MEGF11: variants seen among roughly 807,000 people sequenced by gnomAD.
The protein encoded by MEGF11 is multiple epidermal growth factor-like domains protein 11.
Under a neutral mutation model 146.6 loss-of-function variants are expected in MEGF11, and 126 were observed. The ratio of observed to expected loss-of-function variants is 0.86; its 90% confidence interval spans 0.74 to 1.00. MEGF11 has a LOEUF of 1.00. Ranked by LOEUF, MEGF11 falls within the 50% of genes least tolerant of loss-of-function variation. MEGF11 has a pLI of 0.00. For synonymous variants in MEGF11, 532 were observed against 583.4 expected, an observed-to-expected ratio of 0.91 and a Z score of 1.27; for missense variants, 1,509 against 1,521.2, an observed-to-expected ratio of 0.99 and a Z score of 0.13.
At position 66,171,443 on chromosome 15, in the gene MEGF11, T is replaced by C. The variant is rs183035678; in HGVS notation, c.-8-43032A>G. 7.2e-3 allele frequency among the ~76,000 whole-genome samples: 1,092 copies of C among 152,078 alleles called. 14 individuals carry two copies. The highest frequency in any genetic ancestry group is 0.022 in the African/African-American group (924 of 41,498). On this transcript the variant is annotated intron_variant, in intron 1 of 25. Transcript: ENST00000395614. ...AAAACGCCCCTTGCTCCAAGTACTCTAAGATTCCAAGGACAGAGAGGACTG... is the reference window on the plus strand; with the variant it reads ...AAAACGCCCCTTGCTCCAAGTACTCCAAGATTCCAAGGACAGAGAGGACTG...
intron 1 of MEGF11, among the ~76,000 whole-genome samples, chr15:66,136,685 C>T (rs2088901998): frequency 6.6e-6 from 1 of 152,182 alleles, no homozygotes; most frequent in Non-Finnish European, 1.5e-5. Context: ...TAAAAACTGG[C>T]CGGGTCCAAA....
chr15:66,066,684 G>A (rs1332250345), intron 5 of MEGF11, among the ~76,000 whole-genome samples: 2 of 152,228 alleles, frequency 1.3e-5, no homozygotes, highest in Admixed American at 6.5e-5. Flanking sequence ...CACCCCTAGG[G>A]GGGCTGGGAG....
chr15:65,960,498 T>C (rs1460751113), intron 9 of MEGF11, among the ~76,000 whole-genome samples: 1 of 152,230 alleles, frequency 6.6e-6, no homozygotes, highest in East Asian at 1.9e-4. Flanking sequence ...GGAGCACTCT[T>C]CTCTTTAGGT....
At chr15:65,905,643 A>G (rs182815597) in intron 24 of MEGF11, 1 of 156,782 alleles carries the variant, frequency 6.4e-6, no homozygotes, top group African/African-American at 2.4e-5. Flanking sequence ...ATACAATATT[A>G]ACACTGCGTA....
intron 1 of MEGF11, among the ~76,000 whole-genome samples, chr15:66,180,904 C>G (rs1240854913): frequency 1.3e-5 from 2 of 152,188 alleles, no homozygotes; most frequent in African/African-American, 4.8e-5. Flanking sequence ...TGGCTGTGAC[C>G]CTGTGCCCAC....
intron 10 of MEGF11, among the ~76,000 whole-genome samples, chr15:65,955,739 TAAAAAAAAAA>T: frequency 1.0e-4 from 1 of 9,738 alleles, no homozygotes; most frequent in African/African-American, 6.1e-4. Context: ...GTGAGACTCT[TAAAAAAAAAA>T]AAAAAAAAAA....
At chr15:66,095,346 G>T (rs924987413) in intron 4 of MEGF11, among the ~76,000 whole-genome samples, 1 of 152,174 alleles carries the variant, frequency 6.6e-6, no homozygotes, top group African/African-American at 2.4e-5. Context: ...ATTACAGAAA[G>T]CCCCCATGTG....
intron 21 of MEGF11, among the ~76,000 whole-genome samples, chr15:65,911,662 C>T (rs376323199): frequency 1.9e-3 from 286 of 152,326 alleles, no homozygotes; most frequent in African/African-American, 6.5e-3. Flanking sequence ...CCGCCTGCCT[C>T]GGCCTCCCAA....
At chr15:66,044,359 C>T (rs1486460414) in intron 5 of MEGF11, among the ~76,000 whole-genome samples, 1 of 152,198 alleles carries the variant, frequency 6.6e-6, no homozygotes, top group Non-Finnish European at 1.5e-5. Flanking sequence ...ATCCATCCAT[C>T]ACCTGCTCAT....
intron 15 of MEGF11, among the ~76,000 whole-genome samples, chr15:65,920,714 G>GTAATGATTCTA (rs1470212543): frequency 6.6e-6 from 1 of 152,268 alleles, no homozygotes; most frequent in Non-Finnish European, 1.5e-5. Context: ...TTCTGCGTAA[G>GTAATGATTCTA]CAGTGTCTGT....
intron 5 of MEGF11, among the ~76,000 whole-genome samples, chr15:65,990,712 GAAGA>G (rs144962088): frequency 0.88 from 130,002 of 147,862 alleles, 56,981 homozygotes; most frequent in East Asian, 1. Context: ...AGAAAGGAAG[GAAGA>G]AAGAAAGAAA....
intron 5 of MEGF11, among the ~76,000 whole-genome samples, chr15:65,996,530 G>A (rs181622058): frequency 5.1e-4 from 77 of 151,696 alleles, no homozygotes; most frequent in African/African-American, 1.8e-3. Context: ...CTGTCGCCCA[G>A]GCTGGAGTGC....
intron 5 of MEGF11, among the ~76,000 whole-genome samples, chr15:66,033,495 G>A (rs908894239): frequency 3.3e-5 from 5 of 152,254 alleles, no homozygotes; most frequent in African/African-American, 1.2e-4. Context: ...GAGGGAACAG[G>A]CAGTAAGCCT....
At chr15:66,004,821 T>C (rs564786999) in intron 5 of MEGF11, among the ~76,000 whole-genome samples, 2 of 152,368 alleles carry the variant, frequency 1.3e-5, no homozygotes, top group East Asian at 3.9e-4. Flanking sequence ...GGCTAGCGTA[T>C]TTCTGCAGGC....
chr15:65,970,055 G>A (rs937636152), intron 8 of MEGF11, among the ~76,000 whole-genome samples: 2 of 152,054 alleles, frequency 1.3e-5, no homozygotes, highest in African/African-American at 4.8e-5. Context: ...TATCCACTCT[G>A]CAAGGCTGGT....
At chr15:65,901,988 T>G (rs985219723) in intron 24 of MEGF11, 1 of 152,118 alleles carries the variant, frequency 6.6e-6, no homozygotes, top group African/African-American at 2.4e-5. Context: ...ACTACGTGTC[T>G]TGTTATCCAG....
At chr15:65,935,522 T>A (rs923166437) in intron 10 of MEGF11, among the ~76,000 whole-genome samples, 1 of 152,162 alleles carries the variant, frequency 6.6e-6, no homozygotes, top group African/African-American at 2.4e-5. Flanking sequence ...CAGAATTGAT[T>A]GATTGCTTGC....
At chr15:66,096,042 TCAGTGCCCCCAGGACACAC>T (rs1159505278) in intron 4 of MEGF11, among the ~76,000 whole-genome samples, 1 of 152,022 alleles carries the variant, frequency 6.6e-6, no homozygotes, top group Non-Finnish European at 1.5e-5. Context: ...CTCAAATGGG[TCAGTGCCCCCAGGACACAC>T]CAGTGTCCAT....
chr15:66,190,311 G>C (rs930403360), intron 1 of MEGF11, among the ~76,000 whole-genome samples: 3 of 152,048 alleles, frequency 2.0e-5, no homozygotes, highest in South Asian at 2.1e-4. Context: ...TATGTTGCCC[G>C]GGCTGGTCTC....
Sources: allele counts gnomAD v4.1 joint callset (sites outside exome capture counted in the v4.1 genomes callset), GRCh38; gene constraint gnomAD v4.1.1; transcripts MANE v1.5; gene names NCBI Gene and HGNC (gene_info 2026-07-23, HGNC 2026-07-21).